Variants in MAGI2 observed in about 807,000 individuals in gnomAD.
The protein encoded by MAGI2 is membrane associated guanylate kinase, WW and PDZ domain containing 2.
A neutral mutation model predicts 133.3 loss-of-function variants in MAGI2; 35 were observed. That is an observed-to-expected ratio of 0.26 (90% CI 0.20 to 0.35). MAGI2 has a LOEUF of 0.35. Among genes scored for constraint, MAGI2 ranks in the 10% least tolerant of loss-of-function variants. The pLI, the probability that MAGI2 is intolerant of heterozygous loss-of-function variation, is 1.00. For synonymous variants in MAGI2, 729 were observed against 710.6 expected (o/e 1.03, Z -0.41); for missense variants, 1,636 against 1,863.4 (o/e 0.88, Z 2.25).
intron 1 of MAGI2, among the ~76,000 whole-genome samples, chr7:79,081,118 G>A (rs1034481620): frequency 2.6e-5 from 4 of 152,178 alleles, no homozygotes; most frequent in South Asian, 4.1e-4. Flanking sequence ...CAATTTGACA[G>A]TGTACACAAG....
At chr7:78,200,842 A>G (rs1032227562) in intron 11 of MAGI2, among the ~76,000 whole-genome samples, 2 of 152,204 alleles carry the variant, frequency 1.3e-5, no homozygotes, top group African/African-American at 4.8e-5. Context: ...CATGTTATGA[A>G]GACTACATTG....
chr7:78,920,520 G>C (rs1799142106), intron 2 of MAGI2, among the ~76,000 whole-genome samples: 2 of 152,114 alleles, frequency 1.3e-5, no homozygotes, highest in Non-Finnish European at 2.9e-5. Flanking sequence ...ATATAGAGGA[G>C]TTAAAACTGT....
In MAGI2 at chr7:78,070,170, CACACATATATATATATATAT is replaced by C. The variant is rs1378705961; in HGVS notation, c.3706+8757_3706+8776del. 8.8e-3 allele frequency among the ~76,000 whole-genome samples: 766 copies of C among 86,930 alleles called. 19 individuals are homozygous for C. The highest frequency in any genetic ancestry group is 0.029 in the African/African-American group (696 of 23,916). The allele number at this position is 86,930 out of a possible 152,430, so 57.0% of individuals were successfully genotyped here. Reference sequence around the variant, plus strand: ...ATATACACACATATATATACACACACACACATATATATATATATATATATATATATATATATATATATATA... The same window carrying C: ...ATATACACACATATATATACACACACATATATATATATATATATATATATA... On this transcript the variant is annotated intron_variant, in intron 21 of 21. Transcript: ENST00000354212.
At chr7:78,145,688 C>T (rs894320339) in intron 16 of MAGI2, among the ~76,000 whole-genome samples, 5 of 152,200 alleles carry the variant, frequency 3.3e-5, no homozygotes, top group Admixed American at 6.5e-5. Flanking sequence ...TTAGACTTCC[C>T]AGCCTCCATA....
intron 9 of MAGI2, among the ~76,000 whole-genome samples, chr7:78,305,645 T>A (rs1798191007): frequency 6.6e-6 from 1 of 152,078 alleles, no homozygotes; most frequent in Non-Finnish European, 1.5e-5. Context: ...AGCTCCAACC[T>A]CCTATGCAAG....
chr7:78,894,160 G>T (rs1443912688), intron 2 of MAGI2, among the ~76,000 whole-genome samples: 1 of 152,178 alleles, frequency 6.6e-6, no homozygotes, highest in African/African-American at 2.4e-5. Context: ...CCAGCACTTT[G>T]TGAGGCCGAG....
At chr7:78,386,147 T>A (rs1459220443) in intron 6 of MAGI2, among the ~76,000 whole-genome samples, 2 of 152,134 alleles carry the variant, frequency 1.3e-5, no homozygotes, top group Non-Finnish European at 2.9e-5. Flanking sequence ...AAAAATGTAA[T>A]CTCTTCTTAA....
At chr7:79,172,244 A>G (rs949988043) in intron 1 of MAGI2, among the ~76,000 whole-genome samples, 2 of 152,076 alleles carry the variant, frequency 1.3e-5, no homozygotes, top group Non-Finnish European at 1.5e-5. Context: ...TCTTAAAACT[A>G]TAAGATGAGA....
chr7:78,469,130 C>T (rs1790935742), intron 6 of MAGI2, among the ~76,000 whole-genome samples: 1 of 152,134 alleles, frequency 6.6e-6, no homozygotes, highest in South Asian at 2.1e-4. Flanking sequence ...ATCCATTTGA[C>T]ACCTTACACA....
chr7:78,710,340 G>A (rs530953103), intron 2 of MAGI2, among the ~76,000 whole-genome samples: 199 of 152,196 alleles, frequency 1.3e-3, no homozygotes, highest in African/African-American at 4.4e-3. Context: ...CAAGTACCCT[G>A]GGGATTCCCA....
At chr7:78,043,247 GT>G (rs991950025) in intron 21 of MAGI2, among the ~76,000 whole-genome samples, 2 of 151,924 alleles carry the variant, frequency 1.3e-5, no homozygotes, top group African/African-American at 4.8e-5. Context: ...TAAAAATAGT[GT>G]TTTTTTTGAG....
intron 2 of MAGI2, among the ~76,000 whole-genome samples, chr7:78,692,133 T>A (rs921071727): frequency 6.6e-6 from 1 of 152,208 alleles, no homozygotes; most frequent in African/African-American, 2.4e-5. Flanking sequence ...TAAAGATTTG[T>A]ATTAAAAGCC....
At chr7:78,329,685 T>C (rs977588968) in intron 9 of MAGI2, among the ~76,000 whole-genome samples, 5 of 152,236 alleles carry the variant, frequency 3.3e-5, no homozygotes, top group Non-Finnish European at 7.3e-5. Flanking sequence ...TTGCTTTTAT[T>C]TTTGGAGTGG....
At chr7:78,115,617 T>C (rs1240779927) in intron 20 of MAGI2, among the ~76,000 whole-genome samples, 1 of 5,468 alleles carries the variant, frequency 1.8e-4, no homozygotes, top group African/African-American at 6.5e-4. Context: ...ATGAGAAGGA[T>C]TGATTCACCT....
intron 2 of MAGI2, among the ~76,000 whole-genome samples, chr7:78,971,143 G>C (rs1803754265): frequency 6.6e-6 from 1 of 152,008 alleles, no homozygotes; most frequent in Admixed American, 6.6e-5. Flanking sequence ...GCCCCCAGAA[G>C]ACCCTCTTTT....
chr7:78,043,164 T>G (rs1188601408), intron 21 of MAGI2, among the ~76,000 whole-genome samples: 1 of 152,240 alleles, frequency 6.6e-6, no homozygotes, highest in African/African-American at 2.4e-5. Context: ...GATAACAGCA[T>G]TATTTAATAT....
At chr7:79,199,739 AG>A (rs1828423015) in intron 1 of MAGI2, among the ~76,000 whole-genome samples, 1 of 152,042 alleles carries the variant, frequency 6.6e-6, no homozygotes, top group Admixed American at 6.5e-5. Context: ...AAAAGCCTCT[AG>A]GTGAATAGAC....
chr7:78,120,420 A>C (rs1820320915), intron 20 of MAGI2, among the ~76,000 whole-genome samples: 1 of 152,060 alleles, frequency 6.6e-6, no homozygotes, highest in South Asian at 2.1e-4. Context: ...AAACAAAAAC[A>C]CTTGACAAGA....
intron 1 of MAGI2, among the ~76,000 whole-genome samples, chr7:79,369,776 G>A (rs1361050897): frequency 6.6e-6 from 1 of 152,080 alleles, no homozygotes; most frequent in Non-Finnish European, 1.5e-5. Flanking sequence ...AAATTTTGAA[G>A]AGTATTAATA....
Sources: allele counts gnomAD v4.1 joint callset (sites outside exome capture counted in the v4.1 genomes callset), GRCh38; gene constraint gnomAD v4.1.1; transcripts MANE v1.5; gene names NCBI Gene and HGNC (gene_info 2026-07-23, HGNC 2026-07-21).